Variants in SLC25A24 observed in about 807,000 individuals in gnomAD.
SLC25A24 encodes solute carrier family 25 member 24.
SLC25A24 carries 49 observed loss-of-function variants against 60.7 expected under a neutral mutation model. The ratio of observed to expected loss-of-function variants is 0.81; its 90% CI spans 0.64 to 1.02. The LOEUF (loss-of-function observed/expected upper bound fraction) is 1.02. SLC25A24 is among the 50% of genes least tolerant of loss of function. The pLI, the probability that SLC25A24 is intolerant of heterozygous loss-of-function variation, is 0.00. For missense variants in SLC25A24, 564 were observed against 586.3 expected, an observed-to-expected ratio of 0.96 and a Z score of 0.39; for synonymous variants, 202 against 200.6, an observed-to-expected ratio of 1.01 and a Z score of -0.06.
At chr1:108,167,637 G>A (rs138411719) in intron 3 of SLC25A24, among the ~76,000 whole-genome samples, 31 of 152,218 alleles carry the variant, frequency 2.0e-4, no homozygotes, top group African/African-American at 6.7e-4. Context: ...GCAATGCCTC[G>A]CCCTGCTTCG....
chr1:108,191,310 A>G (rs1558028605), intron 1 of SLC25A24, among the ~76,000 whole-genome samples: 1 of 138,388 alleles, frequency 7.2e-6, no homozygotes, highest in Non-Finnish European at 1.6e-5. Flanking sequence ...TTGCATTTTT[A>G]GTAGAGATGG....
chr1:108,150,916 C>T (rs372964593), intron 6 of SLC25A24, among the ~76,000 whole-genome samples: 1 of 152,074 alleles, frequency 6.6e-6, no homozygotes, highest in East Asian at 1.9e-4. Context: ...AATCCTCCCT[C>T]CAGGCCAGGC....
At chr1:108,151,922 T>G (rs1340656574) in intron 6 of SLC25A24, among the ~76,000 whole-genome samples, 2 of 152,252 alleles carry the variant, frequency 1.3e-5, no homozygotes, top group Non-Finnish European at 2.9e-5. Flanking sequence ...CAGTGAGTTC[T>G]GTTGATTCTA....
intron 3 of SLC25A24, among the ~76,000 whole-genome samples, chr1:108,162,141 G>A (rs1313030354): frequency 6.6e-6 from 1 of 152,150 alleles, no homozygotes; most frequent in Non-Finnish European, 1.5e-5. Flanking sequence ...TTTTATGGCT[G>A]CATAGTATTC....
intron 3 of SLC25A24, among the ~76,000 whole-genome samples, chr1:108,161,734 G>C (rs1027618264): frequency 1.3e-5 from 2 of 151,746 alleles, no homozygotes; most frequent in African/African-American, 4.8e-5. Flanking sequence ...CAACTTCCTC[G>C]AAGTTAGGAA....
intron 3 of SLC25A24, among the ~76,000 whole-genome samples, chr1:108,169,940 C>T (rs1553255236): frequency 6.6e-6 from 1 of 151,974 alleles, no homozygotes; most frequent in Non-Finnish European, 1.5e-5. Context: ...CTTTTTTCTT[C>T]ATCAATCTTT....
At chr1:108,158,843 T>C (rs888870395) in intron 4 of SLC25A24, among the ~76,000 whole-genome samples, 1 of 150,810 alleles carries the variant, frequency 6.6e-6, no homozygotes, top group African/African-American at 2.4e-5. Flanking sequence ...CTACTAAAAA[T>C]ACAAAAAAAA....
rs907997759 is a variant in SLC25A24, at chr1:108,134,281, T to A, written c.*2372A>T. 1.8e-4 allele frequency: 28 copies of A among 152,230 alleles called. No individual in the cohort carries two copies. The highest frequency in any genetic ancestry group is 6.8e-4 in the African/African-American group (28 of 41,468). The allele number at this position is 152,230 out of a possible 1,614,324, so 9.4% of individuals were successfully genotyped here. ...CAGGTAAGCAAGAAGCTTACAGAAA[T>A]AACTGATAAGTTATTTCTGAAGTCT... On this transcript the variant is annotated 3_prime_UTR_variant, in exon 10 of 10. Coordinates refer to ENST00000565488, the MANE Select transcript of SLC25A24 (RefSeq NM_013386.5).
intron 4 of SLC25A24, among the ~76,000 whole-genome samples, chr1:108,160,325 C>T (rs1271083994): frequency 1.2e-4 from 18 of 146,884 alleles, no homozygotes; most frequent in Admixed American, 6.8e-4. Flanking sequence ...GGATGGCGGC[C>T]GGGAAGAGGC....
At chr1:108,179,860 A>C (rs931921285) in intron 3 of SLC25A24, among the ~76,000 whole-genome samples, 2 of 152,194 alleles carry the variant, frequency 1.3e-5, no homozygotes, top group Admixed American at 6.5e-5. Flanking sequence ...GAATGGATGT[A>C]AAGTGTTCTC....
In SLC25A24 at chr1:108,182,669, C is replaced by T. The variant is rs541037998; in HGVS notation, c.311-641G>A. The stretch of plus-strand genomic sequence containing the variant: ...CCAACATGGTGAAACCCCGTCTCTA[C>T]TAAAAATAGAAAAATCAGCCAGGCA... On this transcript the variant is annotated intron_variant, in intron 2 of 9. Transcript: ENST00000565488. Among the ~76,000 whole-genome samples the T allele has an allele frequency of 5.3e-4, 81 of 152,040 alleles. 3 individuals are homozygous for T. The highest frequency in any genetic ancestry group is 1.2e-3 in the Admixed American group (19 of 15,268).
At chr1:108,180,034 T>C (rs1191748129) in intron 3 of SLC25A24, among the ~76,000 whole-genome samples, 2 of 152,098 alleles carry the variant, frequency 1.3e-5, no homozygotes, top group Non-Finnish European at 2.9e-5. Context: ...TTGTATACTT[T>C]AGAAAAGTGA....
At chr1:108,174,486 C>T (rs542592435) in intron 3 of SLC25A24, among the ~76,000 whole-genome samples, 9 of 152,168 alleles carry the variant, frequency 5.9e-5, no homozygotes, top group Non-Finnish European at 1.0e-4. Context: ...GGGTGGAGCC[C>T]TTGAGGAGAA....
At chr1:108,149,638 G>T (rs188337321) in intron 6 of SLC25A24, among the ~76,000 whole-genome samples, 16 of 152,314 alleles carry the variant, frequency 1.1e-4, no homozygotes, top group African/African-American at 3.8e-4. Flanking sequence ...AGGCAAGCCA[G>T]ATTCCTTCTC....
chr1:108,178,972 A>G (rs1409611068), intron 3 of SLC25A24, among the ~76,000 whole-genome samples: 1 of 152,170 alleles, frequency 6.6e-6, no homozygotes, highest in Non-Finnish European at 1.5e-5. Flanking sequence ...ATGGAAACAC[A>G]TAATACCAAA....
chr1:108,148,603 C>T (rs1679671256), intron 6 of SLC25A24, among the ~76,000 whole-genome samples: 1 of 152,150 alleles, frequency 6.6e-6, no homozygotes. Context: ...CTCTCTCTCT[C>T]CCCCTTCACA....
chr1:108,199,697 C>T (rs542980110), intron 1 of SLC25A24: 4 of 540,808 alleles, frequency 7.4e-6, no homozygotes, highest in African/African-American at 3.9e-5. Flanking sequence ...TTTAACAGTG[C>T]CCGTGGGCCA....
Position 108,139,075 on chromosome 1 carries a change from G to A in SLC25A24, c.1232C>T (p.Thr411Ile). 6.2e-7 allele frequency: 1 copy of A among 1,600,316 alleles called. No homozygotes were observed. Among genetic ancestry groups the A allele is most frequent in the Non-Finnish European group, 8.5e-7 (1 of 1,174,192 alleles). ...LASYPLALVR[T>I]RMQAQAMLEG... ...AAATTCACCTTGAGCCTGCATGCGA[G>A]TTCTCACCAAAGCCAATGGGTAGCT... Residue 411 changes from threonine to isoleucine, a missense_variant, in exon 9 of 10, where the codon ACT becomes ATT. Coordinates refer to ENST00000565488, the MANE Select transcript of SLC25A24 (RefSeq NM_013386.5).
chr1:108,163,209 A>C (rs1261908005), intron 3 of SLC25A24, among the ~76,000 whole-genome samples: 1 of 106,676 alleles, frequency 9.4e-6, no homozygotes, highest in Non-Finnish European at 1.9e-5. Flanking sequence ...CTTGTAGTAT[A>C]GTTTGAAGTC....
Sources: gnomAD v4.1 joint callset for allele counts (sites outside exome capture counted in the v4.1 genomes callset) on GRCh38, gnomAD v4.1.1 for gene constraint, MANE v1.5 for transcripts, NCBI Gene and HGNC (gene_info 2026-07-23, HGNC 2026-07-21) for gene names.